The following MTSS2 variants were observed in gnomAD, a reference collection of about 807,000 sequenced individuals.
The protein encoded by MTSS2 is protein MTSS 2.
A neutral mutation model predicts 67.1 loss-of-function variants in MTSS2; 27 were observed. The observed-to-expected ratio is 0.40, with a 90% CI of 0.30 to 0.55. The LOEUF is 0.55. Ranked by LOEUF, MTSS2 falls within the 20% of genes least tolerant of loss-of-function variation. MTSS2 has a pLI of 0.43. For synonymous variants in MTSS2, 624 were observed against 468.6 expected, an observed-to-expected ratio of 1.33 and a Z score of -4.28; for missense variants, 1,171 against 1,067.8, an observed-to-expected ratio of 1.10 and a Z score of -1.35.
At chr16:70,671,919 C>A (rs577412879) in intron 11 of MTSS2, among the ~76,000 whole-genome samples, 2 of 152,274 alleles carry the variant, frequency 1.3e-5, no homozygotes, top group South Asian at 4.2e-4. Context: ...TCAGACAAAG[C>A]CAGATTTAGA....
At position 70,664,365 on chromosome 16, in the gene MTSS2, C is replaced by G; in HGVS notation, c.1556G>C (p.Arg519Pro). Residue 519 changes from arginine (R) to proline (P), a missense_variant, in exon 15 of 15, where the codon CGC becomes CCC. Physicochemically the swap from Arg to Pro is moderately radical, Grantham distance 103. Transcript: ENST00000338779. Reference sequence around the variant, plus strand: ...GTAGTTCTGGGCGATGTTGCTGTTGCGCGGGATGGTGGATGACTTGTCAAA... The same window carrying G: ...GTAGTTCTGGGCGATGTTGCTGTTGGGCGGGATGGTGGATGACTTGTCAAA... ...PEFDKSSTIP[R>P]NSNIAQNYRR... 1.3e-6 allele frequency: 2 copies of G among 1,590,444 alleles called. No homozygotes were observed. The highest frequency in any genetic ancestry group is 1.2e-5 in the South Asian group (1 of 86,814).
intron 10 of MTSS2, among the ~76,000 whole-genome samples, chr16:70,676,316 G>C (rs190088322): frequency 1.3e-5 from 2 of 152,226 alleles, no homozygotes; most frequent in East Asian, 3.8e-4. Flanking sequence ...GAGGCTCCCG[G>C]GGCTAGCCTG....
At position 70,664,747 on chromosome 16, in the gene MTSS2, G is replaced by A. The variant is rs1271733234; in HGVS notation, c.1322C>T (p.Ser441Phe). The change falls in exon 14 of 15, where the codon TCC becomes TTC. Residue 441 changes from serine (S) to phenylalanine (F), a missense_variant. Ser to Phe is a radical substitution (Grantham distance 155). Transcript: ENST00000338779. ...TIAAKHGEEV[S>F]PAASDLAMVL... ...CATGGCCAGGTCACTGGCGGCGGGG[G>A]ACACCTCCTCACCGTGCTGAGGGTG... The A allele has an allele frequency of 2.5e-6, 4 of 1,611,698 alleles. No homozygotes were observed. The highest frequency in any genetic ancestry group is 3.4e-6 in the Non-Finnish European group (4 of 1,179,342).
chr16:70,677,658 GA>G (rs1177372648), intron 9 of MTSS2, 133 bp downstream of exon 9: 1 of 676,278 alleles, frequency 1.5e-6, no homozygotes, highest in Non-Finnish European at 2.5e-6. Context: ...GTGGGTGTCA[GA>G]AGGGGTCTGG....
In MTSS2 at chr16:70,661,720, G is replaced by A. The variant is rs543236612; in HGVS notation, c.*1957C>T. 17 of 232,684 alleles carry A rather than the reference G, an allele frequency of 7.3e-5. No homozygotes were observed. Among genetic ancestry groups the A allele is most frequent in the Non-Finnish European group, 7.7e-5 (9 of 117,606 alleles). 14.4% of individuals were successfully genotyped at this position (232,684 alleles called of 1,614,324 possible). On this transcript the variant is annotated 3_prime_UTR_variant, in exon 15 of 15. Transcript: ENST00000338779. The stretch of plus-strand genomic sequence containing the variant: ...GGGGCTCACAGGGGAGGGGGACGGC[G>A]GAGTCGGTGGGGGCTGTGCCACACG...
At chr16:70,666,907 C>T (rs1377791206) in intron 11 of MTSS2, among the ~76,000 whole-genome samples, 1 of 152,172 alleles carries the variant, frequency 6.6e-6, no homozygotes, top group Non-Finnish European at 1.5e-5. Context: ...ACTGTCATCA[C>T]TCCTATTCAG....
intron 11 of MTSS2, among the ~76,000 whole-genome samples, chr16:70,671,819 A>T (rs2052947023): frequency 2.0e-5 from 3 of 152,250 alleles, no homozygotes; most frequent in African/African-American, 4.8e-5. Flanking sequence ...GACATTGTGC[A>T]GCATTTAGGA....
chr16:70,665,551 G>A lies in MTSS2; in HGVS notation c.1054-11C>T. 6.5e-7 allele frequency: 1 copy of A among 1,545,764 alleles called. No individual in the cohort carries two copies. Reference sequence around the variant, plus strand: ...AGAGCTGGAGGACTTCTGCCATGCAGAGGCCAGCAGGCGGTTGCAGACAGA... The same window carrying A: ...AGAGCTGGAGGACTTCTGCCATGCAAAGGCCAGCAGGCGGTTGCAGACAGA... On this transcript the variant is annotated splice_polypyrimidine_tract_variant and intron_variant, in intron 11 of 14. Transcript: ENST00000338779.
At chr16:70,667,891 C>G (rs751726619) in intron 11 of MTSS2, among the ~76,000 whole-genome samples, 13 of 151,688 alleles carry the variant, frequency 8.6e-5, no homozygotes, top group Non-Finnish European at 1.0e-4. Flanking sequence ...AACCAAAAAA[C>G]CAAAAACCTC....
chr16:70,679,638 G>A lies in MTSS2; in HGVS notation c.449C>T (p.Ala150Val), dbSNP rs773528109. 18 of 1,604,554 alleles carry A rather than the reference G, an allele frequency of 1.1e-5. No individual in the cohort carries two copies. In the South Asian group the frequency reaches 1.8e-4, roughly 16 times the overall value. ...GCCGCGCCAGGCACTACCTTTGCGCGCCTTCTTCTGCAGCTTCAGCGTGTC... is the reference window on the plus strand; with the variant it reads ...GCCGCGCCAGGCACTACCTTTGCGCACCTTCTTCTGCAGCTTCAGCGTGTC... ...SSDTLKLQKK[A>V]RKELLGKGDL... The change falls in exon 6 of 15, where the codon GCG becomes GTG. Residue 150 changes from alanine (A) to valine (V), a missense_variant. Around this residue, in one of 2 missense-constraint regions of MTSS2, gnomAD observed 247 missense variants for 311.8 expected, o/e 0.79. Transcript: ENST00000338779.
At chr16:70,665,436 C>G (rs2052676827) in intron 12 of MTSS2, 30 bp downstream of exon 12, 3 of 1,542,222 alleles carry the variant, frequency 1.9e-6, no homozygotes, top group Non-Finnish European at 2.6e-6. Flanking sequence ...CAGCTGGTGA[C>G]TGTCCTGGGG....
chr16:70,670,432 C>T (rs910400411), intron 11 of MTSS2, among the ~76,000 whole-genome samples: 6 of 152,218 alleles, frequency 3.9e-5, no homozygotes, highest in African/African-American at 1.4e-4. Flanking sequence ...ATGTGCCCCA[C>T]AGAACTGCAT....
chr16:70,680,875 G>C lies in MTSS2; in HGVS notation c.132-8C>G, dbSNP rs1319465824. The C allele has an allele frequency of 6.5e-7, 1 of 1,547,098 alleles. No homozygotes were observed. ...GCAGCCAGCACGGTGGTCCTGGGGA[G>C]AGGGACAACGGCATGGATGGTCGGT... On this transcript the variant is annotated splice_region_variant and splice_polypyrimidine_tract_variant and intron_variant, in intron 2 of 14. Coordinates refer to ENST00000338779, the MANE Select transcript of MTSS2 (RefSeq NM_138383.3).
chr16:70,679,378 G>A, intron 6 of MTSS2, 55 bp from the exon 7 acceptor site: 1 of 1,606,174 alleles, frequency 6.2e-7, no homozygotes, highest in South Asian at 1.1e-5. Flanking sequence ...AAGAATGTGT[G>A]AAAGACGCCG....
In MTSS2 at chr16:70,677,047, C is replaced by T. The variant is rs61095688; in HGVS notation, c.733-69G>A. The T allele has an allele frequency of 4.2e-6, 5 of 1,194,344 alleles. No individual in the cohort carries two copies. In the East Asian group the frequency reaches 1.0e-4, roughly 24 times the overall value. The allele number at this position is 1,194,344 out of a possible 1,614,324, so 74.0% of individuals were successfully genotyped here. On this transcript the variant is annotated intron_variant, in intron 9 of 14. Transcript: ENST00000338779. ...GAGCTAGTAGGGCCAGAGGCCCCCC[C>T]CCACTCTCTAATTGTGAACCACATC...
rs1423516720 is a variant in MTSS2, at chr16:70,685,906, C to T, written c.-115G>A. ...CTCCGAGGCCGGGCCGGGCCTCCCG[C>T]CTCCAGGCTGCGCTCAGCGGCCGGC... On this transcript the variant is annotated 5_prime_UTR_variant, in exon 1 of 15. Transcript: ENST00000338779. The T allele has an allele frequency of 9.0e-5, 36 of 399,396 alleles. No individual in the cohort carries two copies. Among genetic ancestry groups the T allele is most frequent in the Non-Finnish European group, 1.1e-4 (34 of 299,062 alleles). 24.7% of individuals were successfully genotyped at this position (399,396 alleles called of 1,614,324 possible). A position where few individuals can be genotyped will look rare whatever the true frequency, so the allele number is the denominator to read the frequency against.
intron 11 of MTSS2, among the ~76,000 whole-genome samples, chr16:70,673,507 A>G (rs1443633565): frequency 2.0e-5 from 3 of 152,262 alleles, no homozygotes; most frequent in South Asian, 2.1e-4. Flanking sequence ...TTTACAGACA[A>G]ACAAACAAAA....
chr16:70,679,255 G>T (rs922659051), intron 7 of MTSS2, 60 bp downstream of exon 7: 3 of 1,601,220 alleles, frequency 1.9e-6, no homozygotes, highest in East Asian at 2.2e-5. Context: ...TGAGCTGGGG[G>T]AGACAGACAA....
intron 10 of MTSS2, among the ~76,000 whole-genome samples, chr16:70,675,013 T>G (rs2053070741): frequency 6.6e-6 from 1 of 151,932 alleles, no homozygotes; most frequent in South Asian, 2.1e-4. Flanking sequence ...CTTGGCAGGC[T>G]GAGGCACGAG....
Sources: allele counts gnomAD v4.1 joint callset (sites outside exome capture counted in the v4.1 genomes callset), GRCh38; gene constraint gnomAD v4.1.1; regional missense constraint gnomAD v4.1.1; transcripts MANE v1.5; gene names NCBI Gene and HGNC (gene_info 2026-07-23, HGNC 2026-07-21).